Variants in NLGN2 observed in about 807,000 individuals in gnomAD.
NLGN2 encodes neuroligin-2.
In NLGN2, 11 loss-of-function variants were observed where a neutral mutation model predicts 48.6. The ratio of observed to expected loss-of-function variants is 0.23; its 90% CI spans 0.14 to 0.37. The LOEUF (loss-of-function observed/expected upper bound fraction) is 0.37. NLGN2 is among the 10% of genes least tolerant of loss of function. NLGN2 has a pLI of 1.00. For synonymous variants in NLGN2, 548 were observed against 550.0 expected, an observed-to-expected ratio of 1.00 and a Z score of 0.05; for missense variants, 801 against 1,225.2, an observed-to-expected ratio of 0.65 and a Z score of 5.17.
chr17:7,408,758 C>G lies in NLGN2; in HGVS notation c.457+46C>G. 1 of 1,611,110 alleles carries G rather than the reference C, an allele frequency of 6.2e-7. No homozygotes were observed. Among genetic ancestry groups the G allele is most frequent in the East Asian group, 2.2e-5 (1 of 44,782 alleles). On this transcript the variant is annotated intron_variant, in intron 1 of 6. Transcript: ENST00000302926. This position sits in a 1 kb window ranked among gnomAD's most constrained non-coding sequence, Gnocchi z 7.5. ...CCGGGCACCCCGTGGACACAGCCCA[C>G]AAACGCACATGCAGACCCTCAGGCA... is the stretch of plus-strand genomic sequence containing the variant.
chr17:7,407,830 G>A (rs1312268634), upstream of NLGN2, among the ~76,000 whole-genome samples: 1 of 152,082 alleles, frequency 6.6e-6, no homozygotes, highest in Non-Finnish European at 1.5e-5. Context: ...GGGGGCCTGT[G>A]GGTGGGAGAA....
Position 7,412,146 on chromosome 17 carries a change from C to T in NLGN2, c.458-11C>T, listed in dbSNP as rs762775128. 44 of 1,370,692 alleles carry T rather than the reference C, an allele frequency of 3.2e-5. No homozygotes were observed. The highest frequency in any genetic ancestry group is 4.2e-5 in the Non-Finnish European group (44 of 1,035,648). 84.9% of individuals were successfully genotyped at this position (1,370,692 alleles called of 1,614,324 possible). A position where few individuals can be genotyped will look rare whatever the true frequency, so the allele number is the denominator to read the frequency against. Reference sequence around the variant, plus strand: ...TGTCCTTTTTTCTCTGTTTTGTGTTCCCGGTCTTAGGTCCGCTCACAAAAA... The same window carrying T: ...TGTCCTTTTTTCTCTGTTTTGTGTTTCCGGTCTTAGGTCCGCTCACAAAAA... On this transcript the variant is annotated splice_polypyrimidine_tract_variant and intron_variant, in intron 1 of 6. Transcript: ENST00000302926.
At chr17:7,404,910 T>C (rs1278885184), upstream of NLGN2, 1 of 151,200 alleles carries the variant, frequency 6.6e-6, no homozygotes, top group Non-Finnish European at 1.5e-5. Flanking sequence ...CGCCGGCGGA[T>C]CATCACTCTC....
rs76749877 is a variant in NLGN2, at chr17:7,418,768, G to A, written c.*969G>A. 0.072 allele frequency: 10,954 copies of A among 152,538 alleles called. 443 individuals are homozygous for A. Among genetic ancestry groups the A allele is most frequent in the South Asian group, 0.13 (646 of 4,820 alleles). 9.4% of individuals were successfully genotyped at this position (152,538 alleles called of 1,614,324 possible). A position where few individuals can be genotyped will look rare whatever the true frequency, so the allele number is the denominator to read the frequency against. On this transcript the variant is annotated 3_prime_UTR_variant, in exon 7 of 7. Transcript: ENST00000302926. The stretch of plus-strand genomic sequence containing the variant: ...TCCCGAGTTGGGGGGAGGGGGTGTG[G>A]CAACGTGCCCCCCGCAGAGGCCACG...
upstream of NLGN2, among the ~76,000 whole-genome samples, chr17:7,407,239 G>A (rs1469155902): frequency 4.6e-5 from 7 of 152,196 alleles, no homozygotes; most frequent in East Asian, 5.8e-4. Flanking sequence ...GTAACATTGC[G>A]GGGCAGCATC....
At chr17:7,406,605 C>T (rs1347254327), upstream of NLGN2, among the ~76,000 whole-genome samples, 1 of 142,022 alleles carries the variant, frequency 7.0e-6, no homozygotes, top group Non-Finnish European at 1.5e-5. Flanking sequence ...TGGCGCCTGG[C>T]TCTGAAAACC....
Position 7,408,135 on chromosome 17 carries a change from C to G in NLGN2, c.-121C>G, listed in dbSNP as rs1906719431. The G allele has an allele frequency of 2.1e-6, 1 of 486,356 alleles. No individual in the cohort carries two copies. Among genetic ancestry groups the G allele is most frequent in the Non-Finnish European group, 3.4e-6 (1 of 293,368 alleles). 30.1% of individuals were successfully genotyped at this position (486,356 alleles called of 1,614,324 possible). A position where few individuals can be genotyped will look rare whatever the true frequency, so the allele number is the denominator to read the frequency against. ...AGGTCCCTCCCCAACCCCCTCCTCC[C>G]TCCTTTCCCCCCGCCCCTCCTCCCT... On this transcript the variant is annotated 5_prime_UTR_variant, in exon 1 of 7. Transcript: ENST00000302926. The surrounding 1 kb of genome is among the most constrained non-coding windows in gnomAD (Gnocchi z 7.5).
intron 1 of NLGN2, among the ~76,000 whole-genome samples, chr17:7,409,283 C>T (rs1353654338): frequency 1.3e-5 from 2 of 152,134 alleles, no homozygotes; most frequent in East Asian, 1.9e-4. Flanking sequence ...TCCTTCTCTT[C>T]TCCCTTGACC....
At chr17:7,407,049 C>G (rs919761723), upstream of NLGN2, among the ~76,000 whole-genome samples, 1 of 152,082 alleles carries the variant, frequency 6.6e-6, no homozygotes, top group Non-Finnish European at 1.5e-5. Context: ...CCCCCAATCT[C>G]CCCCTCCTCT....
At chr17:7,406,574 T>C (rs1160571591), upstream of NLGN2, among the ~76,000 whole-genome samples, 1 of 143,352 alleles carries the variant, frequency 7.0e-6, no homozygotes, top group East Asian at 2.1e-4. Context: ...AATTGACACC[T>C]GCAGAGAGCC....
rs984610060 is a variant in NLGN2, at chr17:7,411,642, C to G, written c.458-515C>G. Among the ~76,000 whole-genome samples, 3 of 152,210 alleles carry G rather than the reference C, an allele frequency of 2.0e-5. No homozygotes were observed. Among genetic ancestry groups the G allele is most frequent in the African/African-American group, 7.2e-5 (3 of 41,450 alleles). ...GAAGCAGAGTCTTTTCTGCGGCAGT[C>G]TCTCCTCCCTACAGCCTTGTGGGGG... On this transcript the variant is annotated intron_variant, in intron 1 of 6. Transcript: ENST00000302926. The surrounding 1 kb of genome is among the most constrained non-coding windows in gnomAD (Gnocchi z 4.5).
rs1907120192 is a variant in NLGN2 at position 7,416,853 on chromosome 17, C to G, written c.1635-73C>G. 1.7e-5 allele frequency: 27 copies of G among 1,566,186 alleles called. No individual in the cohort carries two copies. In the South Asian group the frequency reaches 2.3e-4, roughly 13 times the overall value. On this transcript the variant is annotated intron_variant, in intron 6 of 6. Transcript: ENST00000302926. ...TCTCTCTGCATCTCTGTCTGTCTCCCTGCCCACTGCCATCCACCCTCCTTC... is the reference window on the plus strand; with the variant it reads ...TCTCTCTGCATCTCTGTCTGTCTCCGTGCCCACTGCCATCCACCCTCCTTC...
At position 7,415,589 on chromosome 17, in the gene NLGN2, A is replaced by G; in HGVS notation, c.1116A>G (p.Glu372=). The G allele has an allele frequency of 3.1e-6, 5 of 1,614,072 alleles. No individual in the cohort carries two copies. In the South Asian group the frequency reaches 5.5e-5, roughly 18 times the overall value. ...DDPEILMQQG[E]FLNYDMLIGV... is the part of the protein sequence containing the mutation. The stretch of plus-strand genomic sequence containing the variant: ...CTGAGATCCTCATGCAGCAGGGAGA[A>G]TTCCTCAACTACGACATGCTCATCG... The change falls in exon 6 of 7, where the codon GAA becomes GAG. Residue 372 remains glutamate (E), a synonymous_variant. Coordinates refer to ENST00000302926, the MANE Select transcript of NLGN2 (RefSeq NM_020795.4).
chr17:7,414,308 A>ACCCCCAGGG, intron 2 of NLGN2, 36 bp from the exon 3 acceptor site: 2 of 1,455,468 alleles, frequency 1.4e-6, no homozygotes, highest in Non-Finnish European at 1.9e-6. Flanking sequence ...CTTGTCCCTG[A>ACCCCCAGGG]CCCCCTGGCC....
chr17:7,408,693 C>G lies in NLGN2; in HGVS notation c.438C>G (p.Leu146=). Residue 146 remains leucine (L), a synonymous_variant, in exon 1 of 7, where the codon CTC becomes CTG. Transcript: ENST00000302926. This position sits in a 1 kb window ranked among gnomAD's most constrained non-coding sequence, Gnocchi z 7.5. ...GCGAGGACTGCCTGTACCTCAACCT[C>G]TACGTGCCCACCGAGGACGGTAAGG... ...NQSEDCLYLN[L]YVPTEDGPLT... is the part of the protein sequence containing the mutation. 3 of 1,613,196 alleles carry G rather than the reference C, an allele frequency of 1.9e-6. No individual in the cohort carries two copies. The highest frequency in any genetic ancestry group is 2.5e-6 in the Non-Finnish European group (3 of 1,179,794).
At chr17:7,414,090 G>A (rs1052376912) in intron 2 of NLGN2, among the ~76,000 whole-genome samples, 21 of 151,924 alleles carry the variant, frequency 1.4e-4, no homozygotes, top group South Asian at 2.1e-4. Context: ...CAGCCTCTAC[G>A]GGGTTTCTTG....
intron 3 of NLGN2, 68 bp from the exon 4 acceptor site, chr17:7,414,595 G>A: frequency 2.5e-6 from 4 of 1,611,220 alleles, no homozygotes; most frequent in Non-Finnish European, 3.4e-6. Context: ...GGGCTGGACT[G>A]AGCTGCCCAG....
In NLGN2 at chr17:7,413,134, A is replaced by G. The variant is rs1906967202; in HGVS notation, c.508+927A>G. 6.6e-6 allele frequency among the ~76,000 whole-genome samples: 1 copy of G among 152,218 alleles called. No homozygotes were observed. The highest frequency in any genetic ancestry group is 2.1e-4 in the South Asian group (1 of 4,832). On this transcript the variant is annotated intron_variant, in intron 2 of 6. Transcript: ENST00000302926. This position sits in a 1 kb window ranked among gnomAD's most constrained non-coding sequence, Gnocchi z 4.9. ...GAGGTTCAGGAGCAAAGGAGAGGAC[A>G]GGATTTGAGGAGAACCCAGCGAGGG... is the stretch of plus-strand genomic sequence containing the variant.
chr17:7,410,802 A>G (rs1906850472), intron 1 of NLGN2, among the ~76,000 whole-genome samples: 2 of 152,182 alleles, frequency 1.3e-5, no homozygotes, highest in East Asian at 1.9e-4. Context: ...TGGGAGGAAG[A>G]GGTTGACTCA....
Sources: allele counts gnomAD v4.1 joint callset (sites outside exome capture counted in the v4.1 genomes callset), GRCh38; gene constraint gnomAD v4.1.1; non-coding constraint Gnocchi (gnomAD v3.1); transcripts MANE v1.5; gene names NCBI Gene and HGNC (gene_info 2026-07-23, HGNC 2026-07-21).